Variants in RUFY2 observed in about 807,000 individuals in gnomAD.
RUFY2 encodes RUN and FYVE domain-containing protein 2.
Under a neutral mutation model 94.4 loss-of-function variants are expected in RUFY2, and 49 were observed. The ratio of observed to expected loss-of-function variants is 0.52; its 90% CI spans 0.41 to 0.66. The LOEUF (loss-of-function observed/expected upper bound fraction) is 0.66. Among genes scored for constraint, RUFY2 ranks in the 30% least tolerant of loss-of-function variants. The probability of loss-of-function intolerance (pLI) is 0.00; values close to 1 mark genes in which losing one functional copy is unlikely to be tolerated. For synonymous variants in RUFY2, 255 were observed against 235.7 expected (o/e 1.08, Z -0.75); for missense variants, 541 against 692.8 (o/e 0.78, Z 2.46).
chr10:68,407,275 T>C lies in RUFY2; in HGVS notation c.-86A>G, dbSNP rs888396256. ...CAGGCGCTCGGCGGCCACCACCGCA[T>C]CTGCAGCCAGGCCCGCTGCAGCCCA... On this transcript the variant is annotated 5_prime_UTR_variant, in exon 1 of 18. The change abolishes an upstream ATG in the 5' untranslated region. Transcript: ENST00000602465. 1.2e-5 allele frequency: 14 copies of C among 1,186,850 alleles called. No homozygotes were observed. The highest frequency in any genetic ancestry group is 1.5e-5 in the Non-Finnish European group (14 of 939,094). The allele number at this position is 1,186,850 out of a possible 1,614,324, so 73.5% of individuals were successfully genotyped here.
intron 13 of RUFY2, among the ~76,000 whole-genome samples, chr10:68,374,114 C>CA (rs34041522): frequency 0.24 from 13,756 of 57,990 alleles, 824 homozygotes; most frequent in East Asian, 0.36. Context: ...GATCCTGTCC[C>CA]AAAAAAAAAA....
At chr10:68,377,301 G>A (rs2048742270) in intron 12 of RUFY2, 1 of 1,125,022 alleles carries the variant, frequency 8.9e-7, no homozygotes, top group South Asian at 2.3e-5. Context: ...AGCATAATAG[G>A]TATGTTACTA....
intron 16 of RUFY2, among the ~76,000 whole-genome samples, chr10:68,346,968 A>T (rs187205748): frequency 6.6e-6 from 1 of 152,212 alleles, no homozygotes; most frequent in Non-Finnish European, 1.5e-5. Flanking sequence ...TTTACAAAAA[A>T]ATTAACCAGG....
chr10:68,406,444 T>A (rs1287573473), intron 1 of RUFY2, among the ~76,000 whole-genome samples: 1 of 152,174 alleles, frequency 6.6e-6, no homozygotes, highest in Non-Finnish European at 1.5e-5. Flanking sequence ...CCATCATAAT[T>A]CCTAACGTGC....
chr10:68,406,556 GCCC>G (rs2051323844), intron 1 of RUFY2, among the ~76,000 whole-genome samples: 1 of 152,134 alleles, frequency 6.6e-6, no homozygotes, highest in African/African-American at 2.4e-5. Flanking sequence ...CCGCGGCCAC[GCCC>G]CGGCTGCGCT....
intron 12 of RUFY2, chr10:68,378,300 A>G: frequency 8.6e-7 from 1 of 1,158,506 alleles, no homozygotes; most frequent in Non-Finnish European, 1.1e-6. Flanking sequence ...AAAAGATAAA[A>G]CTGCATTTGA....
At chr10:68,376,766 A>G (rs1213454126) in intron 13 of RUFY2, 87 bp downstream of exon 13, 1 of 1,295,434 alleles carries the variant, frequency 7.7e-7, no homozygotes, top group Non-Finnish European at 1.1e-6. Flanking sequence ...TTAGATAAAT[A>G]AAAATATTGG....
At chr10:68,390,854 A>G (rs2049922588) in intron 7 of RUFY2, among the ~76,000 whole-genome samples, 1 of 151,946 alleles carries the variant, frequency 6.6e-6, no homozygotes. Flanking sequence ...ACAGCCTTGA[A>G]GTCCTGGGCT....
At chr10:68,359,681 A>C (rs1033840370) in intron 15 of RUFY2, among the ~76,000 whole-genome samples, 2 of 149,098 alleles carry the variant, frequency 1.3e-5, no homozygotes, top group Non-Finnish European at 3.0e-5. Context: ...AGTACCAGCT[A>C]CTCGGGAGGC....
At position 68,343,593 on chromosome 10, in the gene RUFY2, A is replaced by T. The variant is rs759719028; in HGVS notation, c.*2175T>A. 6.6e-6 allele frequency: 1 copy of T among 152,620 alleles called. No homozygotes were observed. The highest frequency in any genetic ancestry group is 1.9e-4 in the East Asian group (1 of 5,184). 9.5% of individuals were successfully genotyped at this position (152,620 alleles called of 1,614,324 possible). A position where few individuals can be genotyped will look rare whatever the true frequency, so the allele number is the denominator to read the frequency against. On this transcript the variant is annotated 3_prime_UTR_variant, in exon 18 of 18. Coordinates refer to ENST00000602465, the MANE Select transcript of RUFY2 (RefSeq NM_001330103.2). ...AACATTATAGGTTAGAAGAATTACA[A>T]TTGTAATTCCCTGGCACCATGATAG...
chr10:68,374,692 C>G (rs1463077125), intron 13 of RUFY2, among the ~76,000 whole-genome samples: 3 of 152,154 alleles, frequency 2.0e-5, no homozygotes, highest in Non-Finnish European at 4.4e-5. Context: ...ATACATCATA[C>G]ATGGCATGTG....
In RUFY2 at chr10:68,345,355, A is replaced by T. The variant is rs1255098309; in HGVS notation, c.*413T>A. On this transcript the variant is annotated 3_prime_UTR_variant, in exon 18 of 18. Transcript: ENST00000602465. ...GAAAATCTGTTGAATTAGAATATTA[A>T]TAATTTTAAAAGTTTTATGCGTTTC... 2.8e-6 allele frequency: 1 copy of T among 362,022 alleles called. No homozygotes were observed. Among genetic ancestry groups the T allele is most frequent in the Non-Finnish European group, 4.9e-6 (1 of 204,352 alleles). 22.4% of individuals were successfully genotyped at this position (362,022 alleles called of 1,614,324 possible).
chr10:68,363,280 G>A (rs906108712), intron 15 of RUFY2, among the ~76,000 whole-genome samples: 3 of 152,060 alleles, frequency 2.0e-5, no homozygotes, highest in African/African-American at 4.8e-5. Context: ...GGGTTCAAGC[G>A]ATTCTCATGC....
chr10:68,407,169 C>T lies in RUFY2; in HGVS notation c.4+17G>A. On this transcript the variant is annotated intron_variant, in intron 1 of 17. Transcript: ENST00000602465. ...GGACTGAGGGCCTAGCGTTCGGTTTCGGCCCGCTCGCCTTACCCATGGCGG... is the reference window on the plus strand; with the variant it reads ...GGACTGAGGGCCTAGCGTTCGGTTTTGGCCCGCTCGCCTTACCCATGGCGG... 1.4e-6 allele frequency: 2 copies of T among 1,455,574 alleles called. No individual in the cohort carries two copies. Among genetic ancestry groups the T allele is most frequent in the Non-Finnish European group, 1.8e-6 (2 of 1,116,310 alleles). 90.2% of individuals were successfully genotyped at this position (1,455,574 alleles called of 1,614,324 possible). A position where few individuals can be genotyped will look rare whatever the true frequency, so the allele number is the denominator to read the frequency against.
chr10:68,399,461 T>A (rs2050651037), intron 3 of RUFY2, among the ~76,000 whole-genome samples: 1 of 152,216 alleles, frequency 6.6e-6, no homozygotes, highest in African/African-American at 2.4e-5. Flanking sequence ...CCTCTACCTG[T>A]AAGACTGATT....
At chr10:68,347,139 G>A (rs1160857169) in intron 16 of RUFY2, among the ~76,000 whole-genome samples, 4 of 148,924 alleles carry the variant, frequency 2.7e-5, no homozygotes, top group East Asian at 2.0e-4. Context: ...AAAAAGAGGG[G>A]AAAAAAAAAG....
chr10:68,373,620 T>G (rs1028634773), intron 13 of RUFY2, among the ~76,000 whole-genome samples: 2 of 151,976 alleles, frequency 1.3e-5, no homozygotes, highest in Non-Finnish European at 2.9e-5. Context: ...AAAAATTGTT[T>G]TATTAGCCAG....
intron 1 of RUFY2, chr10:68,405,534 G>T: frequency 1.3e-6 from 1 of 765,350 alleles, no homozygotes; most frequent in Non-Finnish European, 1.6e-6. Context: ...TCATGCAAAA[G>T]GTAGATAGCA....
chr10:68,391,300 A>G (rs1386955439), intron 7 of RUFY2, among the ~76,000 whole-genome samples: 2 of 151,970 alleles, frequency 1.3e-5, no homozygotes, highest in Admixed American at 6.6e-5. Flanking sequence ...AATAAAATAT[A>G]TTTTTAATTT....
Sources: gnomAD v4.1 joint callset for allele counts (sites outside exome capture counted in the v4.1 genomes callset) on GRCh38, gnomAD v4.1.1 for gene constraint, MANE v1.5 for transcripts, NCBI Gene and HGNC (gene_info 2026-07-23, HGNC 2026-07-21) for gene names.